FARP1: variants seen among roughly 807,000 people sequenced by gnomAD.
FARP1 encodes the protein FERM, ARHGEF and pleckstrin domain-containing protein 1.
In FARP1, 52 loss-of-function variants were observed where a neutral mutation model predicts 128.8. The ratio of observed to expected loss-of-function variants is 0.40; its 90% CI spans 0.32 to 0.51. The LOEUF is 0.51. Ranked by LOEUF, FARP1 falls within the 20% of genes least tolerant of loss-of-function variation. FARP1 has a pLI of 0.45. For missense variants in FARP1, 1,333 were observed against 1,367.9 expected (o/e 0.97, Z 0.40); for synonymous variants, 580 against 551.8 (o/e 1.05, Z -0.72).
chr13:98,432,916 A>T (rs888802913), intron 18 of FARP1: 2 of 93,638 alleles, frequency 2.1e-5, no homozygotes, highest in African/African-American at 8.5e-5. Flanking sequence ...CGTGAGAGAG[A>T]AGTGGACGGT....
rs59209045 is a variant in FARP1 at position 98,232,145 on chromosome 13, G to GTTTT, written c.171+18750_171+18753dup. Among the ~76,000 whole-genome samples the GTTTT allele has an allele frequency of 5.7e-3, 599 of 105,610 alleles. 10 individuals carry two copies. Among genetic ancestry groups the GTTTT allele is most frequent in the African/African-American group, 0.013 (334 of 26,086 alleles). 69.3% of individuals were successfully genotyped at this position (105,610 alleles called of 152,430 possible). On this transcript the variant is annotated intron_variant, in intron 2 of 26. Coordinates refer to ENST00000319562, the MANE Select transcript of FARP1 (RefSeq NM_005766.4). ...GTGCCCGGCTTTTTTTGTTTGGTTG[G>GTTTT]TTTTTTTTTTTTTTTTTTTTTGCTT...
intron 1 of FARP1, among the ~76,000 whole-genome samples, chr13:98,191,514 G>A (rs571448573): frequency 2.2e-4 from 34 of 152,262 alleles, no homozygotes; most frequent in African/African-American, 4.1e-4. Flanking sequence ...ATATAAACCT[G>A]TTCATACTGT....
intron 13 of FARP1, chr13:98,406,507 G>A (rs1380513332): frequency 6.6e-6 from 1 of 152,220 alleles, no homozygotes; most frequent in Non-Finnish European, 1.5e-5. Flanking sequence ...AAGCAAAGCT[G>A]GAGTAGCGTC....
At chr13:98,191,625 A>G (rs763631567) in intron 1 of FARP1, among the ~76,000 whole-genome samples, 2 of 152,194 alleles carry the variant, frequency 1.3e-5, no homozygotes, top group Non-Finnish European at 2.9e-5. Flanking sequence ...TTCCTGTAAT[A>G]TAGCAATAAG....
chr13:98,317,627 C>T (rs866292626), intron 2 of FARP1, among the ~76,000 whole-genome samples: 1 of 147,608 alleles, frequency 6.8e-6, no homozygotes, highest in Admixed American at 6.9e-5. Flanking sequence ...TTAATTGATT[C>T]CCCTCTGTCT....
At chr13:98,389,227 A>G (rs1890213492) in intron 9 of FARP1, among the ~76,000 whole-genome samples, 2 of 152,214 alleles carry the variant, frequency 1.3e-5, no homozygotes, top group African/African-American at 4.8e-5. Context: ...CTGGAGTTCC[A>G]AAAAGCTGCC....
chr13:98,179,753 A>G (rs1464634364), intron 1 of FARP1, among the ~76,000 whole-genome samples: 1 of 152,100 alleles, frequency 6.6e-6, no homozygotes, highest in Non-Finnish European at 1.5e-5. Context: ...GCTACTCGGA[A>G]GGCTGAGGCA....
rs1230684780 is a variant in FARP1, at chr13:98,251,610, G to A, written c.171+38197G>A. Among the ~76,000 whole-genome samples the A allele has an allele frequency of 5.9e-5, 9 of 151,718 alleles. No homozygotes were observed. In the South Asian group the frequency reaches 1.5e-3, roughly 25 times the overall value. On this transcript the variant is annotated intron_variant, in intron 2 of 26. Transcript: ENST00000319562. ...AGGCAGGAGAATGGCTTGAACCCGG[G>A]AGGTGGAGGTTGCAGTAAGCTGAGA... is the stretch of plus-strand genomic sequence containing the variant.
At chr13:98,440,316 T>A (rs1892471954) in intron 23 of FARP1, 81 bp downstream of exon 23, 10 of 997,950 alleles carry the variant, frequency 1.0e-5, no homozygotes, top group African/African-American at 4.7e-5. Context: ...AGCCACCCCA[T>A]CGGGTAGGCC....
chr13:98,355,420 A>C (rs1888601320), intron 3 of FARP1, among the ~76,000 whole-genome samples: 1 of 152,214 alleles, frequency 6.6e-6, no homozygotes. Context: ...ACATATAATG[A>C]GAGATATGGA....
intron 17 of FARP1, among the ~76,000 whole-genome samples, chr13:98,428,243 C>G (rs1413194503): frequency 1.3e-5 from 2 of 152,322 alleles, no homozygotes; most frequent in Non-Finnish European, 1.5e-5. Flanking sequence ...TGTCCACTTG[C>G]ACACATCCAT....
chr13:98,334,018 C>G (rs532051507), intron 2 of FARP1: 44 of 152,210 alleles, frequency 2.9e-4, no homozygotes, highest in African/African-American at 1.1e-3. Context: ...GTCTGGATGC[C>G]GTTCTAAGGG....
In FARP1 at chr13:98,153,368, G is replaced by GTTATATATAAATATATAATAAATAATACA. The variant is rs1876193451; in HGVS notation, c.-24+9891_-24+9919dup. 1.1e-4 allele frequency among the ~76,000 whole-genome samples: 12 copies of GTTATATATAAATATATAATAAATAATACA among 108,220 alleles called. 1 individual carries two copies. In the Admixed American group the frequency reaches 1.2e-3, roughly 10 times the overall value. 71.0% of individuals were successfully genotyped at this position (108,220 alleles called of 152,430 possible). On this transcript the variant is annotated intron_variant, in intron 1 of 26. Transcript: ENST00000319562. ...ATATATATAAAAATATATAAAATAT[G>GTTATATATAAATATATAATAAATAATACA]TTATATATAAATATATAATAAATAA...
At chr13:98,264,537 TG>T (rs1399099257) in intron 2 of FARP1, among the ~76,000 whole-genome samples, 1 of 152,180 alleles carries the variant, frequency 6.6e-6, no homozygotes, top group Admixed American at 6.5e-5. Context: ...ATTTGACTCT[TG>T]TGCCCCAAGG....
At position 98,448,252 on chromosome 13, in the gene FARP1, C is replaced by A; in HGVS notation, c.3073C>A (p.Arg1025Ser). Residue 1025 changes from arginine to serine, a missense_variant, in exon 27 of 27, where the codon CGC (arginine) becomes AGC (serine). Physicochemically the swap from Arg to Ser is moderately radical, Grantham distance 110. This residue lies in a region of FARP1 where 1,009 missense variants were observed against 969.8 expected (regional missense o/e 1.04). Transcript: ENST00000319562. ...YTFERWMEVI[R>S]SATSSASRPH... ...GTGTTGCAGGTGGATGGAAGTGATC[C>A]GCAGTGCCACCAGCTCTGCCTCGCG... The A allele has an allele frequency of 6.2e-7, 1 of 1,613,852 alleles. No homozygotes were observed. Among genetic ancestry groups the A allele is most frequent in the East Asian group, 2.2e-5 (1 of 44,884 alleles).
intron 1 of FARP1, among the ~76,000 whole-genome samples, chr13:98,146,762 G>A (rs72653383): frequency 0.049 from 7,478 of 152,292 alleles, 214 homozygotes; most frequent in Middle Eastern, 0.071. Context: ...GGGAAGGGAG[G>A]CTGTGGGGTT....
At chr13:98,244,643 C>A in intron 2 of FARP1, 2 of 1,614,228 alleles carry the variant, frequency 1.2e-6, no homozygotes, top group Non-Finnish European at 1.7e-6. Context: ...CTATTTCTTA[C>A]ACAAACTGGG....
At chr13:98,425,419 A>C (rs1159046358) in intron 17 of FARP1, 2 of 147,112 alleles carry the variant, frequency 1.4e-5, no homozygotes, top group Non-Finnish European at 3.0e-5. Context: ...TTTGAGATGG[A>C]GTTTTGCTCT....
At chr13:98,415,502 T>A (rs1458458970) in intron 16 of FARP1, among the ~76,000 whole-genome samples, 1 of 152,164 alleles carries the variant, frequency 6.6e-6, no homozygotes, top group Non-Finnish European at 1.5e-5. Flanking sequence ...GCTTTGCCCA[T>A]GGGGGACTTG....
Sources: allele counts gnomAD v4.1 joint callset (sites outside exome capture counted in the v4.1 genomes callset), GRCh38; gene constraint gnomAD v4.1.1; regional missense constraint gnomAD v4.1.1; transcripts MANE v1.5; gene names NCBI Gene and HGNC (gene_info 2026-07-23, HGNC 2026-07-21).